Variants in NMU observed in about 807,000 individuals in gnomAD.
NMU encodes neuromedin-U.
A neutral mutation model predicts 35.4 loss-of-function variants in NMU; 29 were observed. The ratio of observed to expected loss-of-function variants is 0.82; its 90% CI spans 0.61 to 1.12. The LOEUF is 1.12. NMU is among the 50% of genes most tolerant of loss of function. The probability of loss-of-function intolerance (pLI) is 0.00; values close to 1 mark genes in which losing one functional copy is unlikely to be tolerated. For synonymous variants in NMU, 78 were observed against 81.3 expected (o/e 0.96, Z 0.22); for missense variants, 199 against 206.2 (o/e 0.97, Z 0.21).
intron 7 of NMU, 55 bp from the exon 8 acceptor site, chr4:55,600,630 A>T (rs1733389179): frequency 7.9e-7 from 1 of 1,263,820 alleles, no homozygotes; most frequent in Non-Finnish European, 1.2e-6. Flanking sequence ...ATAAGTGCAA[A>T]TTCTCCTTGA....
At chr4:55,626,178 T>A (rs1182533901) in intron 2 of NMU, among the ~76,000 whole-genome samples, 1 of 152,234 alleles carries the variant, frequency 6.6e-6, no homozygotes, top group Non-Finnish European at 1.5e-5. Context: ...TTTGCTAGTC[T>A]AATAGGTAGA....
At chr4:55,604,061 AT>A (rs1217978183) in intron 7 of NMU, among the ~76,000 whole-genome samples, 6 of 74,740 alleles carry the variant, frequency 8.0e-5, no homozygotes, top group African/African-American at 9.7e-5. Context: ...AAGGGTTAGG[AT>A]TTTTTTTCTT....
intron 7 of NMU, among the ~76,000 whole-genome samples, chr4:55,603,061 G>A (rs1733487065): frequency 6.6e-6 from 1 of 152,072 alleles, no homozygotes; most frequent in Non-Finnish European, 1.5e-5. Context: ...GCAGTGGCAC[G>A]ATCTCGGCTT....
At chr4:55,636,306 C>G (rs1279144471), upstream of NMU, 49 of 1,335,868 alleles carry the variant, frequency 3.7e-5, no homozygotes, top group African/African-American at 4.7e-5. This position sits in a 1 kb window ranked among gnomAD's most constrained non-coding sequence, Gnocchi z 4.0. Flanking sequence ...ACTGAGCGCC[C>G]GGCGAGCCGC....
intron 1 of NMU, among the ~76,000 whole-genome samples, chr4:55,634,888 T>A (rs73817219): frequency 0.025 from 3,745 of 150,416 alleles, 151 homozygotes; most frequent in African/African-American, 0.085. Context: ...TCTCTCTCTC[T>A]CTCACACACA....
At chr4:55,595,563 T>TATACACACAC (rs755203914) in intron 9 of NMU, among the ~76,000 whole-genome samples, 152 bp from the exon 10 acceptor site, 27 of 120,052 alleles carry the variant, frequency 2.2e-4, no homozygotes, top group Non-Finnish European at 4.1e-4. Context: ...TATATATATA[T>TATACACACAC]ACACACACAC....
chr4:55,624,067 T>C (rs1233077400), intron 2 of NMU, among the ~76,000 whole-genome samples: 1 of 140,506 alleles, frequency 7.1e-6, no homozygotes, highest in African/African-American at 2.6e-5. Flanking sequence ...ATAAAAACCC[T>C]AGAAGAAAAC....
At chr4:55,610,948 C>A (rs944767489) in intron 3 of NMU, among the ~76,000 whole-genome samples, 3 of 152,004 alleles carry the variant, frequency 2.0e-5, no homozygotes, top group East Asian at 1.9e-4. Flanking sequence ...CAAAAAAATT[C>A]TTTTTAATTT....
chr4:55,599,891 C>A (rs964871480), intron 8 of NMU, among the ~76,000 whole-genome samples: 2 of 152,138 alleles, frequency 1.3e-5, no homozygotes, highest in Non-Finnish European at 2.9e-5. Context: ...GGAATGGAAT[C>A]CTATCTGTCT....
chr4:55,617,210 C>G (rs61072181), intron 2 of NMU, among the ~76,000 whole-genome samples: 45,045 of 151,972 alleles, frequency 0.3, 7,347 homozygotes, highest in Middle Eastern at 0.43. Flanking sequence ...TTTTCTCATA[C>G]CAGGGGGCGG....
At chr4:55,608,615 T>C (rs911621227) in intron 4 of NMU, among the ~76,000 whole-genome samples, 2 of 152,168 alleles carry the variant, frequency 1.3e-5, no homozygotes, top group Admixed American at 6.5e-5. Flanking sequence ...ACTTTTCAAG[T>C]TCCCATCTAC....
chr4:55,627,051 A>G (rs1251028930), intron 2 of NMU, among the ~76,000 whole-genome samples: 1 of 152,150 alleles, frequency 6.6e-6, no homozygotes, highest in Non-Finnish European at 1.5e-5. Flanking sequence ...ATTTATTCTC[A>G]GGCACTTCTG....
Position 55,630,393 on chromosome 4 carries a change from G to A in NMU, c.171+9C>T. ...GTTTCTACAAATTTGTGTGATGATA[G>A]TTCCTTACCTCATTCCACAACTGTA... On this transcript the variant is annotated intron_variant, in intron 2 of 9. Coordinates refer to ENST00000264218, the MANE Select transcript of NMU (RefSeq NM_006681.4). 1 of 1,600,964 alleles carries A rather than the reference G, an allele frequency of 6.2e-7. No individual in the cohort carries two copies. The highest frequency in any genetic ancestry group is 8.6e-7 in the Non-Finnish European group (1 of 1,168,368).
At chr4:55,604,782 C>T (rs1156870177) in intron 7 of NMU, among the ~76,000 whole-genome samples, 1 of 148,870 alleles carries the variant, frequency 6.7e-6, no homozygotes, top group Non-Finnish European at 1.5e-5. Context: ...ATCCACCCAC[C>T]TGGGCCTTCC....
rs2110197884 is a variant in NMU at position 55,613,511 on chromosome 4, A to G, written c.219+2827T>C. Among the ~76,000 whole-genome samples the G allele has an allele frequency of 3.3e-5, 5 of 152,276 alleles. No individual in the cohort carries two copies. The South Asian group carries it at 1.0e-3, about 32-fold the overall frequency. The stretch of plus-strand genomic sequence containing the variant: ...TTTTCAGTTGTGTACCGAATTGCCC[A>G]CTCATGAATTGAGTTTATTATCAAT... On this transcript the variant is annotated intron_variant, in intron 3 of 9. Transcript: ENST00000264218.
chr4:55,609,913 T>C (rs1341776516), intron 3 of NMU, among the ~76,000 whole-genome samples: 1 of 152,060 alleles, frequency 6.6e-6, no homozygotes, highest in African/African-American at 2.4e-5. Context: ...ACTAGAACAG[T>C]AGGGAGGGCA....
intron 2 of NMU, among the ~76,000 whole-genome samples, chr4:55,626,886 T>G (rs1437825728): frequency 6.6e-6 from 1 of 152,250 alleles, no homozygotes; most frequent in Non-Finnish European, 1.5e-5. Context: ...CAAGAAGTTT[T>G]TCCCTGCTCC....
chr4:55,605,603 C>T (rs559981022), intron 6 of NMU, among the ~76,000 whole-genome samples: 2 of 152,314 alleles, frequency 1.3e-5, no homozygotes, highest in Admixed American at 6.5e-5. Flanking sequence ...ACTTTCCTGA[C>T]GGCTGCAGCT....
At chr4:55,609,418 C>T (rs1733844611) in intron 3 of NMU, among the ~76,000 whole-genome samples, 1 of 151,488 alleles carries the variant, frequency 6.6e-6, no homozygotes, top group Admixed American at 6.6e-5. Flanking sequence ...TACATATGCA[C>T]TCATGAAGGC....
Sources: allele counts gnomAD v4.1 joint callset (sites outside exome capture counted in the v4.1 genomes callset), GRCh38; gene constraint gnomAD v4.1.1; non-coding constraint Gnocchi (gnomAD v3.1); transcripts MANE v1.5; gene names NCBI Gene and HGNC (gene_info 2026-07-23, HGNC 2026-07-21).